ADGRF1: variants seen among roughly 807,000 people sequenced by gnomAD.
The protein encoded by ADGRF1 is G protein-coupled receptor 110.
A neutral mutation model predicts 87.2 loss-of-function variants in ADGRF1; 85 were observed. The observed-to-expected ratio is 0.97, with a 90% CI of 0.82 to 1.17. The LOEUF is 1.17. ADGRF1 is among the 50% of genes most tolerant of loss of function. The pLI, the probability that ADGRF1 is intolerant of heterozygous loss-of-function variation, is 0.00. For missense variants in ADGRF1, 1,169 were observed against 1,077.2 expected, an observed-to-expected ratio of 1.09 and a Z score of -1.19; for synonymous variants, 430 against 408.8, an observed-to-expected ratio of 1.05 and a Z score of -0.63.
At chr6:47,015,742 C>T (rs1779853387) in intron 8 of ADGRF1, among the ~76,000 whole-genome samples, 1 of 139,192 alleles carries the variant, frequency 7.2e-6, no homozygotes, top group East Asian at 2.1e-4. Flanking sequence ...TGTGTGCCAC[C>T]ACGCCTGGCT....
intron 2 of ADGRF1, among the ~76,000 whole-genome samples, chr6:47,028,210 C>T (rs533006793): frequency 4.6e-5 from 7 of 152,142 alleles, no homozygotes; most frequent in East Asian, 1.9e-4. Context: ...AGAAGCAATG[C>T]GTGCATTTCT....
chr6:47,021,913 G>A (rs1561874773), intron 6 of ADGRF1, 45 bp downstream of exon 6: 2 of 1,012,068 alleles, frequency 2.0e-6, no homozygotes, highest in Admixed American at 4.2e-5. Context: ...ATTTGAACTT[G>A]AGTGTAGCAA....
chr6:47,032,381 T>C (rs936991848), intron 1 of ADGRF1, among the ~76,000 whole-genome samples: 22 of 152,066 alleles, frequency 1.4e-4, no homozygotes, highest in African/African-American at 4.8e-4. Flanking sequence ...GAATTTCAAA[T>C]AAACAATATT....
rs1362494183 is a variant in ADGRF1 at position 47,024,093 on chromosome 6, T to C, written c.402A>G (p.Glu134=). The C allele has an allele frequency of 2.5e-6, 4 of 1,614,160 alleles. No homozygotes were observed. Among genetic ancestry groups the C allele is most frequent in the Non-Finnish European group, 3.4e-6 (4 of 1,180,002 alleles). The change falls in exon 5 of 15, where the codon GAA becomes GAG. Residue 134 remains glutamate (E), a synonymous_variant. Coordinates refer to ENST00000371253, the MANE Select transcript of ADGRF1 (RefSeq NM_153840.4). ...TCTGGCTGAGGTTGTTGAGATGACA[T>C]TCACAGCTTGGGAGTGCTCCAGCCG... ...LHTAGALPSC[E]CHLNNLSQSV... is the part of the protein sequence containing the mutation.
At chr6:47,034,245 C>T (rs1780521435) in intron 1 of ADGRF1, among the ~76,000 whole-genome samples, 1 of 152,200 alleles carries the variant, frequency 6.6e-6, no homozygotes, top group Non-Finnish European at 1.5e-5. Context: ...CCATTCCCCA[C>T]ATTCTATTTG....
chr6:47,019,634 A>T, intron 7 of ADGRF1: 3 of 450,430 alleles, frequency 6.7e-6, no homozygotes, highest in Non-Finnish European at 8.8e-6. Flanking sequence ...CAGTGAGCCG[A>T]GATCGTGCCA....
chr6:47,014,263 T>A (rs771933153), intron 9 of ADGRF1: 7 of 987,418 alleles, frequency 7.1e-6, no homozygotes, highest in Non-Finnish European at 8.4e-6. Context: ...TCTGACCCAC[T>A]CCTTGCCCTA....
intron 7 of ADGRF1, chr6:47,019,600 C>T (rs556745681): frequency 1.3e-5 from 4 of 313,410 alleles, no homozygotes; most frequent in East Asian, 1.7e-4. Flanking sequence ...AGGAGGATAG[C>T]GTGAACCAAG....
chr6:47,026,306 A>G (rs1347210392), intron 3 of ADGRF1, among the ~76,000 whole-genome samples: 1 of 152,114 alleles, frequency 6.6e-6, no homozygotes, highest in Non-Finnish European at 1.5e-5. Flanking sequence ...GGGCACACCC[A>G]GAGTCAAGCT....
intron 1 of ADGRF1, among the ~76,000 whole-genome samples, chr6:47,034,255 G>A (rs1780521803): frequency 6.6e-6 from 1 of 152,120 alleles, no homozygotes; most frequent in Non-Finnish European, 1.5e-5. Context: ...CATTCTATTT[G>A]TAGATTACTT....
chr6:47,038,475 T>A (rs1387449448), intron 1 of ADGRF1, among the ~76,000 whole-genome samples: 1 of 152,212 alleles, frequency 6.6e-6, no homozygotes, highest in East Asian at 1.9e-4. Context: ...TGACAAATAA[T>A]AATTGTACAC....
At chr6:47,036,412 A>G (rs896304214) in intron 1 of ADGRF1, among the ~76,000 whole-genome samples, 1 of 152,186 alleles carries the variant, frequency 6.6e-6, no homozygotes, top group Non-Finnish European at 1.5e-5. Flanking sequence ...AAATTACACA[A>G]GAAAAAACAA....
intron 13 of ADGRF1, among the ~76,000 whole-genome samples, chr6:47,004,292 A>C (rs931607200): frequency 2.6e-5 from 4 of 152,198 alleles, no homozygotes; most frequent in Non-Finnish European, 5.9e-5. Context: ...AAACTCTCTA[A>C]GAAAATTATA....
At chr6:47,036,618 C>T (rs1780596246) in intron 1 of ADGRF1, among the ~76,000 whole-genome samples, 1 of 152,174 alleles carries the variant, frequency 6.6e-6, no homozygotes, top group Non-Finnish European at 1.5e-5. Context: ...GTAAAACATA[C>T]TTCTCCGACT....
chr6:47,038,366 C>G (rs1221181147), intron 1 of ADGRF1, among the ~76,000 whole-genome samples: 1 of 152,152 alleles, frequency 6.6e-6, no homozygotes, highest in East Asian at 1.9e-4. Flanking sequence ...AAGTGAATAG[C>G]CAAGTTTGCC....
intron 1 of ADGRF1, among the ~76,000 whole-genome samples, chr6:47,033,367 A>C (rs1780491242): frequency 6.6e-6 from 1 of 152,208 alleles, no homozygotes; most frequent in South Asian, 2.1e-4. Flanking sequence ...TTATATACTT[A>C]CGGACTCCAA....
intron 9 of ADGRF1, chr6:47,014,186 G>A: frequency 1.1e-6 from 1 of 902,368 alleles, no homozygotes; most frequent in Non-Finnish European, 1.3e-6. Flanking sequence ...TCTGCAAAAT[G>A]AGGTTGGTAA....
chr6:47,012,815 G>C, intron 9 of ADGRF1: 1 of 970,296 alleles, frequency 1.0e-6, no homozygotes, highest in Non-Finnish European at 1.2e-6. Flanking sequence ...TGTCAGCCAG[G>C]CTGGAGTGCG....
intron 9 of ADGRF1, chr6:47,012,444 A>G: frequency 4.9e-6 from 3 of 617,958 alleles, no homozygotes; most frequent in African/African-American, 3.8e-5. Context: ...TATTATTTTC[A>G]TTCATTGAAT....
Sources: allele counts gnomAD v4.1 joint callset (sites outside exome capture counted in the v4.1 genomes callset), GRCh38; gene constraint gnomAD v4.1.1; transcripts MANE v1.5; gene names NCBI Gene and HGNC (gene_info 2026-07-23, HGNC 2026-07-21).